Variants in L3HYPDH observed in about 807,000 individuals in gnomAD.
The protein encoded by L3HYPDH is trans-3-hydroxy-L-proline dehydratase.
A neutral mutation model predicts 26.5 loss-of-function variants in L3HYPDH; 32 were observed. That is an observed-to-expected ratio of 1.21 (90% CI 0.91 to 1.62). L3HYPDH has a LOEUF of 1.62. Ranked by LOEUF, L3HYPDH falls within the 40% of genes most tolerant of loss-of-function variation. The pLI, the probability that L3HYPDH is intolerant of heterozygous loss-of-function variation, is 0.00. For missense variants in L3HYPDH, 554 were observed against 476.4 expected (o/e 1.16, Z -1.52); for synonymous variants, 215 against 196.6 (o/e 1.09, Z -0.78).
the L3HYPDH span, among the ~76,000 whole-genome samples, chr14:59,490,302 T>A: frequency 6.6e-6 from 1 of 152,194 alleles, no homozygotes; most frequent in East Asian, 1.9e-4. Context: ...CAGCTCCAAG[T>A]CATTCATGAG....
chr14:59,484,094 T>A lies in L3HYPDH; in HGVS notation c.223A>T (p.Met75Leu). 1.2e-6 allele frequency: 2 copies of A among 1,606,360 alleles called. No individual in the cohort carries two copies. Among genetic ancestry groups the A allele is most frequent in the East Asian group, 2.2e-5 (1 of 44,824 alleles). ...CTCGGGACTAGGACCGCCCCGTACA[T>A]GTCCCGGTGCCCTCGGGGCTCGAAC... ...LMFEPRGHRD[M>L]YGAVLVPSEL... is the part of the protein sequence containing the mutation. Residue 75 changes from methionine to leucine, a missense_variant, in exon 1 of 5, where the codon ATG becomes TTG. Transcript: ENST00000247194.
downstream of L3HYPDH, among the ~76,000 whole-genome samples, chr14:59,469,722 A>G (rs1335691539): frequency 6.6e-6 from 1 of 152,150 alleles, no homozygotes; most frequent in East Asian, 1.9e-4. Context: ...AGCTTGGTGG[A>G]TGGTGGTGCC....
At chr14:59,502,755 T>TGTTTTTTTTTTTTTTGTTTTTG in the L3HYPDH span, among the ~76,000 whole-genome samples, 11 of 122,916 alleles carry the variant, frequency 8.9e-5, no homozygotes, top group Non-Finnish European at 1.2e-4. Flanking sequence ...ATGAGATTTT[T>TGTTTTTTTTTTTTTTGTTTTTG]TTTTTTTTTT....
At chr14:59,478,372 T>C (rs747978049) in intron 2 of L3HYPDH, among the ~76,000 whole-genome samples, 7 of 152,164 alleles carry the variant, frequency 4.6e-5, no homozygotes, top group Non-Finnish European at 7.4e-5. Flanking sequence ...GAGGCCATCC[T>C]GGGCAACATA....
chr14:59,494,782 A>C, the L3HYPDH span, among the ~76,000 whole-genome samples: 2 of 152,232 alleles, frequency 1.3e-5, no homozygotes, highest in African/African-American at 4.8e-5. Flanking sequence ...TTTTAGCAAC[A>C]ATTTGGCAAG....
upstream of L3HYPDH, chr14:59,487,908 T>C: frequency 7.9e-7 from 1 of 1,265,564 alleles, no homozygotes; most frequent in Admixed American, 1.9e-5. Flanking sequence ...TAAGTAATTA[T>C]GCTTCTTCTG....
In L3HYPDH at chr14:59,484,351, G is replaced by C. The variant is rs755571092; in HGVS notation, c.-35C>G. 1.3e-6 allele frequency: 2 copies of C among 1,549,646 alleles called. No individual in the cohort carries two copies. The highest frequency in any genetic ancestry group is 1.7e-6 in the Non-Finnish European group (2 of 1,152,240). ...CGGGGGAGACGAGTACGGTCCCGCA[G>C]CTATGGCTTCAAGCCCGACCCTCAC... On this transcript the variant is annotated 5_prime_UTR_variant, in exon 1 of 5. Transcript: ENST00000247194.
At chr14:59,485,339 CA>C (rs879454522), upstream of L3HYPDH, 155 of 406,448 alleles carry the variant, frequency 3.8e-4, no homozygotes, top group South Asian at 7.4e-4. Context: ...CAATTGGTTA[CA>C]AAAAAAATAA....
upstream of L3HYPDH, among the ~76,000 whole-genome samples, chr14:59,488,097 A>G (rs1004622791): frequency 1.3e-5 from 2 of 152,126 alleles, no homozygotes; most frequent in African/African-American, 4.8e-5. Flanking sequence ...TTGGTTTTCT[A>G]CACAAAATTG....
chr14:59,486,801 T>C (rs1285848135), upstream of L3HYPDH: 5 of 1,546,704 alleles, frequency 3.2e-6, no homozygotes, highest in Admixed American at 5.4e-5. Context: ...ATGGAGAATG[T>C]GGGGTAAGTC....
the L3HYPDH span, chr14:59,495,430 C>A: frequency 3.9e-6 from 2 of 514,110 alleles, no homozygotes; most frequent in East Asian, 3.1e-5. Context: ...TATAAGGTGT[C>A]GTGAGGATTA....
At chr14:59,465,735 G>A (rs1889150212) in intron 1 of L3HYPDH, among the ~76,000 whole-genome samples, 1 of 152,218 alleles carries the variant, frequency 6.6e-6, no homozygotes, top group Admixed American at 6.5e-5. Context: ...AATCTAGAAA[G>A]TGAAGTGAAA....
At chr14:59,478,149 AT>A (rs1164921096) in intron 2 of L3HYPDH, among the ~76,000 whole-genome samples, 2 of 152,210 alleles carry the variant, frequency 1.3e-5, no homozygotes, top group Admixed American at 1.3e-4. Flanking sequence ...TATATTTTAC[AT>A]TTATTATTTT....
the L3HYPDH span, among the ~76,000 whole-genome samples, chr14:59,503,189 C>T: frequency 6.6e-6 from 1 of 152,158 alleles, no homozygotes; most frequent in Non-Finnish European, 1.5e-5. Context: ...AAATGGGGAC[C>T]TAAAACGGAA....
At chr14:59,475,113 T>C (rs1889536972) in intron 4 of L3HYPDH, 1 of 152,194 alleles carries the variant, frequency 6.6e-6, no homozygotes, top group Admixed American at 6.5e-5. Context: ...ATTTAAAATT[T>C]TATTCCATTA....
chr14:59,469,497 G>A (rs1247413214), downstream of L3HYPDH, among the ~76,000 whole-genome samples: 4 of 143,328 alleles, frequency 2.8e-5, no homozygotes, highest in African/African-American at 5.1e-5. Context: ...AGAGGTTGCA[G>A]TGAGCCAAGA....
the L3HYPDH span, among the ~76,000 whole-genome samples, chr14:59,496,369 C>G: frequency 1.5e-3 from 229 of 151,742 alleles, no homozygotes; most frequent in African/African-American, 5.4e-3. Flanking sequence ...TGTCATATAA[C>G]TCTCCTAAGG....
chr14:59,490,860 G>A, the L3HYPDH span, among the ~76,000 whole-genome samples: 2 of 152,174 alleles, frequency 1.3e-5, no homozygotes, highest in African/African-American at 2.4e-5. Flanking sequence ...AGAGCTAACA[G>A]GCATAGGTAT....
the L3HYPDH span, among the ~76,000 whole-genome samples, chr14:59,493,039 C>T: frequency 2.6e-5 from 4 of 151,730 alleles, no homozygotes; most frequent in East Asian, 7.8e-4. Context: ...ACCTCGTGAT[C>T]CACCCGCCCC....
Sources: gnomAD v4.1 joint callset for allele counts (sites outside exome capture counted in the v4.1 genomes callset) on GRCh38, gnomAD v4.1.1 for gene constraint, MANE v1.5 for transcripts, NCBI Gene and HGNC (gene_info 2026-07-23, HGNC 2026-07-21) for gene names.